Variants in NXPE2 observed in about 807,000 individuals in gnomAD.
NXPE2 encodes the protein neurexophilin and PC-esterase domain family member 2, also known as NXPE family member 2.
A neutral mutation model predicts 34.4 loss-of-function variants in NXPE2; 34 were observed. The ratio of observed to expected loss-of-function variants is 0.99; its 90% confidence interval spans 0.75 to 1.31. The LOEUF is 1.31. Among genes scored for constraint, NXPE2 ranks in the 40% most tolerant of loss-of-function variants. The pLI, the probability that NXPE2 is intolerant of heterozygous loss-of-function variation, is 0.00. For missense variants in NXPE2, 649 were observed against 672.5 expected (o/e 0.97, Z 0.39); for synonymous variants, 235 against 231.3 (o/e 1.02, Z -0.15).
chr11:114,785,831 A>C, the NXPE2 span, among the ~76,000 whole-genome samples: 1 of 151,910 alleles, frequency 6.6e-6, no homozygotes, highest in Non-Finnish European at 1.5e-5. Context: ...TAAATATCAC[A>C]CTCTAGGCAG....
the NXPE2 span, among the ~76,000 whole-genome samples, chr11:114,564,457 T>C: frequency 3.9e-5 from 6 of 152,166 alleles, no homozygotes; most frequent in Non-Finnish European, 8.8e-5. Context: ...TATTTATATA[T>C]GAGTAAGATA....
At chr11:114,632,998 TAA>T in the NXPE2 span, among the ~76,000 whole-genome samples, 2 of 101,240 alleles carry the variant, frequency 2.0e-5, no homozygotes, top group Non-Finnish European at 3.5e-5. Flanking sequence ...ATATAATATA[TAA>T]TAATATATAT....
At chr11:114,541,213 C>G in the NXPE2 span, among the ~76,000 whole-genome samples, 1 of 152,088 alleles carries the variant, frequency 6.6e-6, no homozygotes, top group Admixed American at 6.5e-5. Flanking sequence ...CACAACATAA[C>G]AGTCACAATT....
At chr11:114,474,247 ACAT>A in the NXPE2 span, among the ~76,000 whole-genome samples, 1 of 152,170 alleles carries the variant, frequency 6.6e-6, no homozygotes, top group Non-Finnish European at 1.5e-5. Context: ...ATGGCATTTG[ACAT>A]CATGAGAATG....
the NXPE2 span, among the ~76,000 whole-genome samples, chr11:114,641,993 T>G: frequency 2.6e-5 from 4 of 152,122 alleles, no homozygotes; most frequent in African/African-American, 9.6e-5. Flanking sequence ...GATGAGAAGA[T>G]AAATTTTAAA....
At chr11:114,466,708 A>C in the NXPE2 span, among the ~76,000 whole-genome samples, 1 of 152,132 alleles carries the variant, frequency 6.6e-6, no homozygotes. Context: ...TCCTTGTTGC[A>C]ATTTTCTTCT....
At chr11:114,629,401 C>G in the NXPE2 span, among the ~76,000 whole-genome samples, 6 of 151,104 alleles carry the variant, frequency 4.0e-5, no homozygotes, top group South Asian at 2.1e-4. Flanking sequence ...AGCATATAAA[C>G]AGAACCAAAG....
chr11:114,551,070 G>T, the NXPE2 span: 1 of 1,201,324 alleles, frequency 8.3e-7, no homozygotes, highest in Middle Eastern at 1.9e-4. Flanking sequence ...AGGGCTTACT[G>T]TGTGATCTGC....
At chr11:114,571,554 G>T in the NXPE2 span, 21 of 1,218,652 alleles carry the variant, frequency 1.7e-5, 1 homozygote, top group South Asian at 2.9e-4. Context: ...GAAGAGATTT[G>T]ATTGGTATAA....
At chr11:114,692,243 C>A (rs561641552) in intron 2 of NXPE2, among the ~76,000 whole-genome samples, 6 of 152,134 alleles carry the variant, frequency 3.9e-5, no homozygotes, top group Admixed American at 6.5e-5. Flanking sequence ...AGGATGGGGT[C>A]CCTCTCAGGC....
the NXPE2 span, among the ~76,000 whole-genome samples, chr11:114,602,067 T>G: frequency 1.1e-5 from 1 of 93,516 alleles, no homozygotes; most frequent in African/African-American, 4.4e-5. Flanking sequence ...TATATTATAA[T>G]ATATATTCTA....
chr11:114,530,839 T>G, the NXPE2 span: 3 of 1,614,010 alleles, frequency 1.9e-6, no homozygotes, highest in Non-Finnish European at 2.5e-6. Context: ...AGTGATGTTT[T>G]AGGGAATAAG....
the NXPE2 span, among the ~76,000 whole-genome samples, chr11:114,640,507 A>C: frequency 3.3e-5 from 5 of 151,614 alleles, no homozygotes; most frequent in African/African-American, 1.2e-4. Context: ...GGTAGATCTA[A>C]TTATAGTTCT....
chr11:114,812,472 T>C, the NXPE2 span, among the ~76,000 whole-genome samples: 5 of 152,270 alleles, frequency 3.3e-5, no homozygotes, highest in South Asian at 8.3e-4. Context: ...CAATGATGGA[T>C]ATGTGGAAGT....
At chr11:114,626,811 C>A in the NXPE2 span, among the ~76,000 whole-genome samples, 1 of 152,006 alleles carries the variant, frequency 6.6e-6, no homozygotes, top group Non-Finnish European at 1.5e-5. Context: ...AACCAATACA[C>A]AGAAGTGCTT....
At chr11:114,773,279 A>ACCCCCC in the NXPE2 span, among the ~76,000 whole-genome samples, 36 of 69,346 alleles carry the variant, frequency 5.2e-4, no homozygotes, top group Non-Finnish European at 7.3e-4. Context: ...ACCCACTCCC[A>ACCCCCC]CCCCCCCCCC....
chr11:114,558,793 T>C, the NXPE2 span, among the ~76,000 whole-genome samples: 1 of 152,238 alleles, frequency 6.6e-6, no homozygotes, highest in African/African-American at 2.4e-5. Context: ...AGTTTGTGTT[T>C]ATCTATGCCC....
the NXPE2 span, among the ~76,000 whole-genome samples, chr11:114,791,974 C>T: frequency 1.2e-3 from 176 of 152,236 alleles, no homozygotes; most frequent in African/African-American, 3.9e-3. Context: ...AGGAGAATGT[C>T]ATGAACCCGG....
chr11:114,500,225 A>G, the NXPE2 span, among the ~76,000 whole-genome samples: 2 of 152,080 alleles, frequency 1.3e-5, no homozygotes, highest in Non-Finnish European at 2.9e-5. Flanking sequence ...TATATTCCAT[A>G]CAGAAATGCA....
Sources: gnomAD v4.1 joint callset for allele counts (sites outside exome capture counted in the v4.1 genomes callset) on GRCh38, gnomAD v4.1.1 for gene constraint, MANE v1.5 for transcripts, NCBI Gene and HGNC (gene_info 2026-07-23, HGNC 2026-07-21) for gene names.